SPTBN2: variants seen among roughly 807,000 people sequenced by gnomAD.
SPTBN2 encodes the protein spectrin beta, non-erythrocytic 2, also known as spectrin beta chain, non-erythrocytic 2.
SPTBN2 carries 107 observed loss-of-function variants against 284.2 expected under a neutral mutation model. The ratio of observed to expected loss-of-function variants is 0.38; its 90% confidence interval spans 0.32 to 0.44. SPTBN2 has a LOEUF of 0.44. Among genes scored for constraint, SPTBN2 ranks in the 20% least tolerant of loss-of-function variants. The probability of loss-of-function intolerance (pLI) is 1.00; values close to 1 mark genes in which losing one functional copy is unlikely to be tolerated. For missense variants in SPTBN2, 2,569 were observed against 3,287.1 expected (o/e 0.78, Z 5.34); for synonymous variants, 1,289 against 1,354.8 (o/e 0.95, Z 1.07).
At position 66,710,986 on chromosome 11, in the gene SPTBN2, A is replaced by G; in HGVS notation, c.816T>C (p.Tyr272=). The change falls in exon 9 of 38, where the codon TAT becomes TAC. Residue 272 remains tyrosine, a synonymous_variant. Transcript: ENST00000533211. The surrounding 1 kb of genome is among the most constrained non-coding windows in gnomAD (Gnocchi z 4.9). ...AGAAGTAATGGTAGTAAGTAGCCAC[A>G]TAGGTAATGATTGACTTCTCATCTG... ...DQPDEKSIIT[Y]VATYYHYFSK... is the part of the protein sequence containing the mutation. The G allele has an allele frequency of 6.2e-7, 1 of 1,614,228 alleles. No homozygotes were observed. The highest frequency in any genetic ancestry group is 8.5e-7 in the Non-Finnish European group (1 of 1,180,046).
At chr11:66,733,609 C>T (rs149344706), upstream of SPTBN2, among the ~76,000 whole-genome samples, 88 of 152,072 alleles carry the variant, frequency 5.8e-4, 1 homozygote, top group African/African-American at 2.0e-3. Context: ...TGTATATGGG[C>T]GTGGACTTTA....
chr11:66,686,942 G>A (rs1940155717), intron 36 of SPTBN2, 52 bp downstream of exon 36: 3 of 1,609,928 alleles, frequency 1.9e-6, no homozygotes, highest in Non-Finnish European at 2.5e-6. Flanking sequence ...TGGCTCACCT[G>A]TGTCACTCCC....
At position 66,705,186 on chromosome 11, in the gene SPTBN2, A is replaced by G. The variant is rs1275987122; in HGVS notation, c.2090T>C (p.Leu697Pro). 7 of 1,534,584 alleles carry G rather than the reference A, an allele frequency of 4.6e-6. No individual in the cohort carries two copies. The highest frequency in any genetic ancestry group is 6.1e-6 in the Non-Finnish European group (7 of 1,142,772). The change falls in exon 15 of 38, where the codon CTG becomes CCG. Residue 697 changes from leucine (L) to proline (P), a missense_variant. Physicochemically the swap from Leu to Pro is moderately conservative, Grantham distance 98 (BLOSUM62 -3). Around this residue, in one of 6 missense-constraint regions of SPTBN2, gnomAD observed 1,012 missense variants for 1,248.9 expected, o/e 0.81. Transcript: ENST00000533211. ...CTGGCCCTGCTCCAGGGTGAGCTTC[A>G]GGGGCCCCAGCCGGCCGCTCATCTC... Reference protein sequence around the residue: ...RGEMSGRLGPLKLTLEQGQQL... With the variant: ...RGEMSGRLGPPKLTLEQGQQL...
Position 66,694,122 on chromosome 11 carries a change from T to C in SPTBN2, c.4503+17A>G. Reference sequence around the variant, plus strand: ...ATGGCTGGGGGCAGCTTGCCGTCCTTGGCCCCAGTGACTCACAATCTCATC... The same window carrying C: ...ATGGCTGGGGGCAGCTTGCCGTCCTCGGCCCCAGTGACTCACAATCTCATC... On this transcript the variant is annotated intron_variant, in intron 22 of 37. Coordinates refer to ENST00000533211, the MANE Select transcript of SPTBN2 (RefSeq NM_006946.4). The C allele has an allele frequency of 1.2e-6, 2 of 1,602,308 alleles. No individual in the cohort carries two copies. Among genetic ancestry groups the C allele is most frequent in the Non-Finnish European group, 1.7e-6 (2 of 1,179,886 alleles).
Position 66,692,604 on chromosome 11 carries a change from G to C in SPTBN2, c.5122C>G (p.Gln1708Glu), listed in dbSNP as rs1450550188. ...QLRRELDDLE[Q>E]WIQEREVVAA... ...ACCACCTCGCGCTCCTGGATCCACTGTTCCAGGTCATCCAGCTCGCGGCGG... is the reference window on the plus strand; with the variant it reads ...ACCACCTCGCGCTCCTGGATCCACTCTTCCAGGTCATCCAGCTCGCGGCGG... The change falls in exon 26 of 38, where the codon CAG becomes GAG. Residue 1708 changes from glutamine (Q) to glutamate (E), a missense_variant. By Grantham distance (29) the Gln-to-Glu change is conservative. Coordinates refer to ENST00000533211, the MANE Select transcript of SPTBN2 (RefSeq NM_006946.4). The C allele has an allele frequency of 6.2e-7, 1 of 1,607,072 alleles. No individual in the cohort carries two copies. The highest frequency in any genetic ancestry group is 1.1e-5 in the South Asian group (1 of 91,092).
intron 1 of SPTBN2, among the ~76,000 whole-genome samples, chr11:66,739,463 A>G (rs1471327310): frequency 6.6e-6 from 1 of 152,254 alleles, no homozygotes; most frequent in Non-Finnish European, 1.5e-5. Flanking sequence ...TAGTTAAAAT[A>G]ATGTCTATGA....
chr11:66,686,064 A>G lies in SPTBN2; in HGVS notation c.6980T>C (p.Ile2327Thr), dbSNP rs886090164. Residue 2327 changes from isoleucine (I) to threonine (T), a missense_variant, in exon 38 of 38, where the codon ATT becomes ACT. Ile to Thr is a moderately conservative substitution (Grantham distance 89). Transcript: ENST00000533211. Reference protein sequence around the residue: ...SSWLRVVNAAIATASSASGEP... With the variant: ...SSWLRVVNAATATASSASGEP... ...TCCAGAGGCAGAAGACGCTGTGGCA[A>G]TGGCTGCATTCACCACCCGTAGCCA... The G allele has an allele frequency of 6.2e-7, 1 of 1,613,776 alleles. No homozygotes were observed. The highest frequency in any genetic ancestry group is 8.5e-7 in the Non-Finnish European group (1 of 1,179,964).
chr11:66,738,936 T>G (rs777701405), intron 1 of SPTBN2, among the ~76,000 whole-genome samples: 7 of 152,224 alleles, frequency 4.6e-5, no homozygotes, highest in Non-Finnish European at 7.4e-5. Context: ...CTCAGCCTCA[T>G]GAGTAGCTGG....
chr11:66,716,760 G>A (rs193040395), intron 3 of SPTBN2, among the ~76,000 whole-genome samples: 1 of 152,368 alleles, frequency 6.6e-6, no homozygotes, highest in Admixed American at 6.5e-5. Flanking sequence ...GCTCCTTGGT[G>A]AGCTGCTGTT....
chr11:66,708,071 G>A lies in SPTBN2; in HGVS notation c.1350+70C>T. The A allele has an allele frequency of 3.7e-6, 6 of 1,602,984 alleles. No individual in the cohort carries two copies. The East Asian group carries it at 9.0e-5, about 24-fold the overall frequency. On this transcript the variant is annotated intron_variant, in intron 12 of 37. Coordinates refer to ENST00000533211, the MANE Select transcript of SPTBN2 (RefSeq NM_006946.4). The surrounding 1 kb of genome is among the most constrained non-coding windows in gnomAD (Gnocchi z 4.4). ...GTTTCATTGTCTCTCCACCCCGCGG[G>A]GCTTCTTATCCACCCTGTCTCTCTC...
rs762557527 is a variant in SPTBN2 at position 66,687,637 on chromosome 11, G to A, written c.6512C>T (p.Ser2171Leu). The A allele has an allele frequency of 1.1e-5, 17 of 1,596,696 alleles. No homozygotes were observed. In the South Asian group the frequency reaches 1.3e-4, roughly 13 times the overall value. ...CCGGGGCCCATTGGCTTCGTCCCCT[G>A]AGCCAGGTCCCTGGGGGGGAATCAG... ...SSFPEGPGPG[S>L]GDEANGPRGE... is the part of the protein sequence containing the mutation. The change falls in exon 35 of 38, where the codon TCA (serine) becomes TTA (leucine). Residue 2171 changes from serine to leucine, a missense_variant. Transcript: ENST00000533211. This position sits in a 1 kb window ranked among gnomAD's most constrained non-coding sequence, Gnocchi z 5.2.
chr11:66,703,972 C>CTTTT (rs11286358), intron 15 of SPTBN2, among the ~76,000 whole-genome samples: 190 of 109,574 alleles, frequency 1.7e-3, no homozygotes, highest in Non-Finnish European at 1.9e-3. Flanking sequence ...TATTTCTTTT[C>CTTTT]TTTTTTTTTT....
chr11:66,684,545 G>C lies in SPTBN2; in HGVS notation c.*1326C>G, dbSNP rs1231260148. ...GGCTACTCGGGAGGCTGAGGTGGGA[G>C]GATTGCTTGAACCCAGGAGGTGGAG... On this transcript the variant is annotated 3_prime_UTR_variant, in exon 38 of 38. Coordinates refer to ENST00000533211, the MANE Select transcript of SPTBN2 (RefSeq NM_006946.4). Among the ~76,000 whole-genome samples the C allele has an allele frequency of 1.3e-5, 2 of 151,826 alleles. No individual in the cohort carries two copies. The highest frequency in any genetic ancestry group is 2.9e-5 in the Non-Finnish European group (2 of 67,992).
intron 15 of SPTBN2, among the ~76,000 whole-genome samples, chr11:66,702,331 A>G (rs183899900): frequency 7.9e-5 from 12 of 152,174 alleles, no homozygotes; most frequent in African/African-American, 2.9e-4. Context: ...AAGCCTAGCT[A>G]ATTTTTGTAT....
intron 10 of SPTBN2, among the ~76,000 whole-genome samples, chr11:66,709,379 T>C (rs1211944200): frequency 1.3e-5 from 2 of 152,170 alleles, no homozygotes; most frequent in Admixed American, 1.3e-4. Flanking sequence ...GGTTTCACCA[T>C]GCTGGCCAGG....
In SPTBN2 at chr11:66,687,133, C is replaced by T. The variant is rs201670045; in HGVS notation, c.6757G>A (p.Gly2253Arg). 8 of 1,613,946 alleles carry T rather than the reference C, an allele frequency of 5.0e-6. No homozygotes were observed. The highest frequency in any genetic ancestry group is 6.8e-6 in the Non-Finnish European group (8 of 1,180,046). ...WQNVYCVLRRGSLGFYKDAKA... is the reference protein window; with the variant it reads ...WQNVYCVLRRRSLGFYKDAKA... Reference sequence around the variant, plus strand: ...GCATCCTTGTAAAAGCCGAGGCTCCCACGCCGCAGGACACAGTACACGTTC... The same window carrying T: ...GCATCCTTGTAAAAGCCGAGGCTCCTACGCCGCAGGACACAGTACACGTTC... The change falls in exon 36 of 38, where the codon GGG (glycine) becomes AGG (arginine). Residue 2253 changes from glycine to arginine, a missense_variant. Around this residue, in one of 6 missense-constraint regions of SPTBN2, gnomAD observed 1,130 missense variants for 1,317.3 expected, o/e 0.86. Transcript: ENST00000533211. This position sits in a 1 kb window ranked among gnomAD's most constrained non-coding sequence, Gnocchi z 5.2.
At position 66,705,220 on chromosome 11, in the gene SPTBN2, G is replaced by C; in HGVS notation, c.2056C>G (p.Leu686Val). ...AGCCGGCCGCTCATCTCGCCCCGCA[G>C]GGCTGTGTGCTTGTTGAGCAGGCGG... ...ALRLLNKHTA[L>V]RGEMSGRLGP... Residue 686 changes from leucine to valine, a missense_variant, in exon 15 of 38, where the codon CTG (leucine) becomes GTG (valine). Around this residue, in one of 6 missense-constraint regions of SPTBN2, gnomAD observed 1,012 missense variants for 1,248.9 expected, o/e 0.81. Transcript: ENST00000533211. 1 of 1,550,480 alleles carries C rather than the reference G, an allele frequency of 6.4e-7. No homozygotes were observed. Among genetic ancestry groups the C allele is most frequent in the Non-Finnish European group, 8.7e-7 (1 of 1,153,204 alleles).
In SPTBN2 at chr11:66,683,050, G is replaced by A. The variant is rs1269263301; in HGVS notation, c.*2821C>T. Among the ~76,000 whole-genome samples, 2 of 148,414 alleles carry A rather than the reference G, an allele frequency of 1.3e-5. No individual in the cohort carries two copies. The highest frequency in any genetic ancestry group is 5.0e-5 in the African/African-American group (2 of 40,374). On this transcript the variant is annotated 3_prime_UTR_variant, in exon 38 of 38. Coordinates refer to ENST00000533211, the MANE Select transcript of SPTBN2 (RefSeq NM_006946.4). ...ATTATAAGCGTGAACCACCATGCCT[G>A]GCCAAGTAATCCATTTTTTTTTTTT...
At position 66,687,449 on chromosome 11, in the gene SPTBN2, A is replaced by G. The variant is rs1338958285; in HGVS notation, c.6700T>C (p.Phe2234Leu). Residue 2234 changes from phenylalanine (F) to leucine (L), a missense_variant, in exon 35 of 38, where the codon TTC becomes CTC. Transcript: ENST00000533211. The surrounding 1 kb of genome is among the most constrained non-coding windows in gnomAD (Gnocchi z 5.2). ...TACCTGTTGGCAGCCTTCTTCCCGA[A>G]GGCCTCCATCTCCTGCTTGCGGCAC... ...MLCRKQEMEA[F>L]GKKAANRSWQ... 6.2e-7 allele frequency: 1 copy of G among 1,607,916 alleles called. No individual in the cohort carries two copies. Among genetic ancestry groups the G allele is most frequent in the African/African-American group, 1.3e-5 (1 of 74,892 alleles).
Sources: allele counts gnomAD v4.1 joint callset (sites outside exome capture counted in the v4.1 genomes callset), GRCh38; gene constraint gnomAD v4.1.1; regional missense constraint gnomAD v4.1.1; non-coding constraint Gnocchi (gnomAD v3.1); transcripts MANE v1.5; gene names NCBI Gene and HGNC (gene_info 2026-07-23, HGNC 2026-07-21).